Variants in SHB observed in about 807,000 individuals in gnomAD.
SHB encodes the protein SH2 domain-containing adapter protein B.
A neutral mutation model predicts 52.3 loss-of-function variants in SHB; 20 were observed. The observed-to-expected ratio is 0.38, with a 90% confidence interval of 0.27 to 0.56. The LOEUF is 0.56. Among genes scored for constraint, SHB ranks in the 20% least tolerant of loss-of-function variants. SHB has a pLI of 0.71. For synonymous variants in SHB, 397 were observed against 316.5 expected (o/e 1.25, Z -2.70); for missense variants, 825 against 723.3 (o/e 1.14, Z -1.61).
intron 2 of SHB, among the ~76,000 whole-genome samples, chr9:37,984,099 C>T (rs777928541): frequency 6.6e-5 from 10 of 152,190 alleles, no homozygotes; most frequent in Non-Finnish European, 8.8e-5. Context: ...AATCCATATA[C>T]GTCAAGTGTT....
At chr9:38,012,179 G>A (rs1452225200) in intron 2 of SHB, among the ~76,000 whole-genome samples, 2 of 152,146 alleles carry the variant, frequency 1.3e-5, no homozygotes, top group Non-Finnish European at 2.9e-5. Flanking sequence ...GGGACACAGA[G>A]GACAAAGCCT....
chr9:37,927,918 T>C (rs148512712), intron 5 of SHB, among the ~76,000 whole-genome samples: 171 of 151,726 alleles, frequency 1.1e-3, no homozygotes, highest in African/African-American at 4.0e-3. Flanking sequence ...GTCTAGGGCT[T>C]CTTTCTTTCC....
intron 1 of SHB, among the ~76,000 whole-genome samples, chr9:38,041,594 G>A (rs185670585): frequency 5.1e-4 from 77 of 152,238 alleles, no homozygotes; most frequent in Admixed American, 3.9e-3. Flanking sequence ...AGAAAAGGGA[G>A]GTGGAGAAAA....
chr9:37,985,413 T>C (rs1820792946), intron 2 of SHB, among the ~76,000 whole-genome samples: 1 of 152,248 alleles, frequency 6.6e-6, no homozygotes, highest in Non-Finnish European at 1.5e-5. Flanking sequence ...GACCTTGCCG[T>C]GCAGCTCTGC....
rs1822023228 is a variant in SHB at position 38,069,104 on chromosome 9, G to A, written c.-459C>T. ...TCTTCCTTCCTGCGAGCGCTGGGGA[G>A]AGCTCGGCCCCGCAGCGGAGGAGAA... is the stretch of plus-strand genomic sequence containing the variant. On this transcript the variant is annotated 5_prime_UTR_variant, in exon 1 of 6. Coordinates refer to ENST00000377707, the MANE Select transcript of SHB (RefSeq NM_003028.3). 6.6e-6 allele frequency: 1 copy of A among 151,782 alleles called. No homozygotes were observed. Among genetic ancestry groups the A allele is most frequent in the Admixed American group, 6.5e-5 (1 of 15,268 alleles). The allele number at this position is 151,782 out of a possible 1,614,324, so 9.4% of individuals were successfully genotyped here. A position where few individuals can be genotyped will look rare whatever the true frequency, so the allele number is the denominator to read the frequency against.
At chr9:38,056,622 G>A (rs145483230) in intron 1 of SHB, among the ~76,000 whole-genome samples, 135 of 152,314 alleles carry the variant, frequency 8.9e-4, no homozygotes, top group Middle Eastern at 3.4e-3. Context: ...GTGAGCCACC[G>A]CGCCCACATG....
chr9:38,068,025 G>A lies in SHB; in HGVS notation c.621C>T (p.Gly207=). The A allele has an allele frequency of 6.6e-7, 1 of 1,509,702 alleles. No homozygotes were observed. The highest frequency in any genetic ancestry group is 8.8e-7 in the Non-Finnish European group (1 of 1,137,242). The allele number at this position is 1,509,702 out of a possible 1,614,324, so 93.5% of individuals were successfully genotyped here. ...GDPLGGACAG[G]RTWSPTACGG... is the part of the protein sequence containing the mutation. ...CGCAGGCCGTCGGGCTCCAGGTGCGGCCGCCCGCGCAGGCGCCCCCCAGGG... is the reference window on the plus strand; with the variant it reads ...CGCAGGCCGTCGGGCTCCAGGTGCGACCGCCCGCGCAGGCGCCCCCCAGGG... The change falls in exon 1 of 6, where the codon GGC becomes GGT. Residue 207 remains glycine (G), a synonymous_variant. Coordinates refer to ENST00000377707, the MANE Select transcript of SHB (RefSeq NM_003028.3).
intron 1 of SHB, among the ~76,000 whole-genome samples, chr9:38,048,692 T>C (rs1011995738): frequency 1.3e-5 from 2 of 152,198 alleles, no homozygotes; most frequent in Admixed American, 6.5e-5. Flanking sequence ...TGTTGAGTGT[T>C]TTCCATCTTA....
Position 37,974,915 on chromosome 9 carries a change from C to G in SHB, c.839-78G>C, listed in dbSNP as rs1244500143. 14 of 1,245,234 alleles carry G rather than the reference C, an allele frequency of 1.1e-5. No homozygotes were observed. In the East Asian group the frequency reaches 3.1e-4, roughly 27 times the overall value. The allele number at this position is 1,245,234 out of a possible 1,614,324, so 77.1% of individuals were successfully genotyped here. The stretch of plus-strand genomic sequence containing the variant: ...CCTGCATTCCCACCCAGAAACACCA[C>G]AAACTCAGAGCTGCCAGCGGGGAGG... On this transcript the variant is annotated intron_variant, in intron 2 of 5. Coordinates refer to ENST00000377707, the MANE Select transcript of SHB (RefSeq NM_003028.3).
At chr9:38,030,371 A>G (rs1396543444) in intron 1 of SHB, among the ~76,000 whole-genome samples, 3 of 152,200 alleles carry the variant, frequency 2.0e-5, no homozygotes, top group Non-Finnish European at 4.4e-5. Context: ...CTCCAGGTAT[A>G]TAAGAGGCCT....
intron 3 of SHB, among the ~76,000 whole-genome samples, chr9:37,959,485 G>C (rs1426347024): frequency 1.3e-5 from 2 of 152,190 alleles, no homozygotes; most frequent in Non-Finnish European, 2.9e-5. Flanking sequence ...ACAGGCTCAG[G>C]AGACCGAGGG....
At chr9:38,033,268 G>C (rs994889213) in intron 1 of SHB, among the ~76,000 whole-genome samples, 2 of 152,134 alleles carry the variant, frequency 1.3e-5, no homozygotes, top group Non-Finnish European at 2.9e-5. Context: ...TAAGATAAAA[G>C]TGAGCACCCC....
chr9:37,933,337 C>T (rs1431961070), intron 5 of SHB, among the ~76,000 whole-genome samples: 1 of 152,212 alleles, frequency 6.6e-6, no homozygotes, highest in Non-Finnish European at 1.5e-5. Context: ...TCTGCCTTCT[C>T]AGGCCTTGGT....
chr9:37,934,936 G>A (rs1265678818), intron 5 of SHB, among the ~76,000 whole-genome samples: 1 of 152,180 alleles, frequency 6.6e-6, no homozygotes, highest in Admixed American at 6.5e-5. Flanking sequence ...AAGTAATTGA[G>A]TTCCACAAAG....
chr9:37,980,419 A>T (rs369209251), intron 2 of SHB, among the ~76,000 whole-genome samples: 1 of 152,226 alleles, frequency 6.6e-6, no homozygotes, highest in African/African-American at 2.4e-5. Context: ...GTTTGATCAT[A>T]AGATTCCTGC....
intron 1 of SHB, among the ~76,000 whole-genome samples, chr9:38,042,048 G>A (rs879537582): frequency 5.3e-5 from 8 of 152,160 alleles, no homozygotes; most frequent in Admixed American, 1.3e-4. Flanking sequence ...TGGGGCAGAC[G>A]GGGGAAACGT....
At chr9:37,921,913 A>G (rs1832184931) in intron 5 of SHB, among the ~76,000 whole-genome samples, 1 of 152,220 alleles carries the variant, frequency 6.6e-6, no homozygotes, top group Non-Finnish European at 1.5e-5. Context: ...TAAAAAGCTG[A>G]GCTCTCAGAG....
At chr9:37,939,258 A>G (rs191288777) in intron 5 of SHB, among the ~76,000 whole-genome samples, 2 of 152,250 alleles carry the variant, frequency 1.3e-5, no homozygotes, top group Non-Finnish European at 2.9e-5. Context: ...CAAATGGAGA[A>G]CTTCTAAGCT....
At chr9:38,018,498 C>T (rs1276127093) in intron 1 of SHB, among the ~76,000 whole-genome samples, 2 of 124,562 alleles carry the variant, frequency 1.6e-5, no homozygotes, top group African/African-American at 2.8e-5. Context: ...GTTGAAAATC[C>T]TTCCATTGAA....
Sources: allele counts gnomAD v4.1 joint callset (sites outside exome capture counted in the v4.1 genomes callset), GRCh38; gene constraint gnomAD v4.1.1; transcripts MANE v1.5; gene names NCBI Gene and HGNC (gene_info 2026-07-23, HGNC 2026-07-21).